Variants in SYNM observed in about 807,000 individuals in gnomAD.
SYNM encodes synemin.
Under a neutral mutation model 104.0 loss-of-function variants are expected in SYNM, and 95 were observed. The ratio of observed to expected loss-of-function variants is 0.91; its 90% CI spans 0.77 to 1.08. The LOEUF is 1.08. Among genes scored for constraint, SYNM ranks in the 50% least tolerant of loss-of-function variants. The pLI is 0.00. For missense variants in SYNM, 2,150 were observed against 2,052.2 expected, an observed-to-expected ratio of 1.05 and a Z score of -0.92; for synonymous variants, 918 against 869.0, an observed-to-expected ratio of 1.06 and a Z score of -0.99.
At chr15:99,138,063 T>C (rs1016351806), downstream of SYNM, 2 of 1,613,998 alleles carry the variant, frequency 1.2e-6, no homozygotes, top group Non-Finnish European at 8.5e-7. Flanking sequence ...TCCTGAGGGA[T>C]GCTGGTGCAG....
chr15:99,130,633 G>A lies in SYNM; in HGVS notation c.2273G>A (p.Gly758Glu). ...GAGGAGCCCGTGAGTTATGTCAGCG[G>A]GGAGAAGCCGGAGGAGTTTTCCGTC... ...IVEEPVSYVSGEKPEEFSVPF... is the reference protein window; with the variant it reads ...IVEEPVSYVSEEKPEEFSVPF... The change falls in exon 4 of 4, where the codon GGG becomes GAG. Residue 758 changes from glycine (G) to glutamate (E), a missense_variant. By Grantham distance (98) the Gly-to-Glu change is moderately conservative (BLOSUM62 -2). Transcript: ENST00000336292. 6.2e-7 allele frequency: 1 copy of A among 1,613,624 alleles called. No individual in the cohort carries two copies. Among genetic ancestry groups the A allele is most frequent in the Non-Finnish European group, 8.5e-7 (1 of 1,179,720 alleles).
intron 2 of SYNM, among the ~76,000 whole-genome samples, chr15:99,126,106 A>C (rs1173034309): frequency 6.6e-6 from 1 of 152,298 alleles, no homozygotes; most frequent in Non-Finnish European, 1.5e-5. Flanking sequence ...GGGAGGGGCT[A>C]CTGACGGGGG....
rs1555485581 is a variant in SYNM, at chr15:99,130,345, CT to C, written c.1989del (p.Pro664GlnfsTer23). 6.2e-7 allele frequency: 1 copy of C among 1,613,642 alleles called. No homozygotes were observed. The highest frequency in any genetic ancestry group is 8.5e-7 in the Non-Finnish European group (1 of 1,179,796). Reference protein sequence around the residue: ...QSPETEASADSFPDTKVTYVD... With the variant: ...QSPETEASADXFPDTKVTYVD... Reference sequence around the variant, plus strand: ...CCAGAGACAGAAGCATCTGCTGATTCTTTTCCAGACACAAAAGTCACTTACG... The same window carrying C: ...CCAGAGACAGAAGCATCTGCTGATTCTTTCCAGACACAAAAGTCACTTACG... On this transcript the variant is annotated frameshift_variant, in exon 4 of 4. Coordinates refer to ENST00000336292, the MANE Select transcript of SYNM (RefSeq NM_145728.3). LOFTEE classifies it high-confidence loss of function.
rs2067474796 is a variant in SYNM, at chr15:99,129,291, C to T, written c.1007-76C>T. The T allele has an allele frequency of 3.2e-6, 5 of 1,553,614 alleles. No individual in the cohort carries two copies. In the South Asian group the frequency reaches 6.0e-5, roughly 19 times the overall value. The stretch of plus-strand genomic sequence containing the variant: ...TTTATTATGATGGAATGGGATTTGG[C>T]CTGCAACAATGCTTGTAGATGGAAA... On this transcript the variant is annotated intron_variant, in intron 3 of 3. Coordinates refer to ENST00000336292, the MANE Select transcript of SYNM (RefSeq NM_145728.3).
chr15:99,136,599 G>T (rs187973400), downstream of SYNM: 19 of 152,238 alleles, frequency 1.2e-4, no homozygotes, highest in African/African-American at 4.6e-4. Flanking sequence ...CCATTCATCA[G>T]GGCTCCACCC....
downstream of SYNM, chr15:99,139,039 C>A (rs1267321947): frequency 1.0e-5 from 5 of 476,394 alleles, no homozygotes; most frequent in East Asian, 2.1e-4. Context: ...CCGGGGCCCT[C>A]CCCCTGCAGC....
intron 2 of SYNM, among the ~76,000 whole-genome samples, chr15:99,121,865 A>G (rs1248596206): frequency 6.6e-6 from 1 of 152,250 alleles, no homozygotes; most frequent in African/African-American, 2.4e-5. Flanking sequence ...CATGAGGCCC[A>G]TCCTAGGTTT....
Position 99,131,410 on chromosome 15 carries a change from A to T in SYNM, c.3050A>T (p.Glu1017Val). 1.2e-6 allele frequency: 2 copies of T among 1,611,850 alleles called. No individual in the cohort carries two copies. The change falls in exon 4 of 4, where the codon GAG becomes GTG. Residue 1017 changes from glutamate to valine, a missense_variant. Transcript: ENST00000336292. This position sits in a 1 kb window ranked among gnomAD's most constrained non-coding sequence, Gnocchi z 4.3. ...QTVDADRLDL[E>V]ELSKDEASEM... ...GTGGATGCCGATCGGTTAGACCTGG[A>T]GGAGCTGAGCAAAGATGAGGCCAGT... is the stretch of plus-strand genomic sequence containing the variant.
In SYNM at chr15:99,130,625, T is replaced by C. The variant is rs782120765; in HGVS notation, c.2265T>C (p.Tyr755=). The change falls in exon 4 of 4, where the codon TAT becomes TAC. Residue 755 remains tyrosine (Y), a synonymous_variant. Transcript: ENST00000336292. ...NVEIVEEPVS[Y]VSGEKPEEFS... ...AGATCGTGGAGGAGCCCGTGAGTTA[T>C]GTCAGCGGGGAGAAGCCGGAGGAGT... The C allele has an allele frequency of 8.8e-5, 142 of 1,611,686 alleles. 1 individual carries two copies. Among genetic ancestry groups the C allele is most frequent in the Non-Finnish European group, 4.6e-5 (54 of 1,179,078 alleles).
downstream of SYNM, chr15:99,139,442 G>C: frequency 6.2e-7 from 1 of 1,612,880 alleles, no homozygotes; most frequent in Non-Finnish European, 8.5e-7. Context: ...TGGAAGTGTC[G>C]CTGAGAGCAG....
chr15:99,137,192 G>A (rs1328720446), downstream of SYNM: 2 of 152,348 alleles, frequency 1.3e-5, no homozygotes, highest in Non-Finnish European at 1.5e-5. Flanking sequence ...CTTCCTGTTC[G>A]ACTTTGCCAT....
chr15:99,106,702 C>T (rs8041090), intron 1 of SYNM, among the ~76,000 whole-genome samples: 11,585 of 152,302 alleles, frequency 0.076, 483 homozygotes, highest in Non-Finnish European at 0.09. Flanking sequence ...GTGATATAAA[C>T]AGTTACTATT....
chr15:99,107,400 T>C (rs11636944), intron 1 of SYNM, among the ~76,000 whole-genome samples: 2 of 152,112 alleles, frequency 1.3e-5, no homozygotes, highest in Non-Finnish European at 1.5e-5. Flanking sequence ...AGTGGTTATT[T>C]TGACTCTCCA....
At chr15:99,112,083 T>C (rs1449588082) in intron 1 of SYNM, among the ~76,000 whole-genome samples, 1 of 152,210 alleles carries the variant, frequency 6.6e-6, no homozygotes, top group African/African-American at 2.4e-5. Context: ...ATAAATTCCA[T>C]GTGCAATCTT....
chr15:99,130,094 G>T lies in SYNM; in HGVS notation c.1734G>T (p.Pro578=). ...AGAGCGTGCGAGAGAGAGAGGTGCC[G>T]ATTAGTCTAGAAGTATCCCAGGACA... ...KEKSVREREV[P]ISLEVSQDRR... The change falls in exon 4 of 4, where the codon CCG becomes CCT. Residue 578 remains proline (P), a synonymous_variant. Transcript: ENST00000336292. 1 of 1,613,922 alleles carries T rather than the reference G, an allele frequency of 6.2e-7. No homozygotes were observed. The highest frequency in any genetic ancestry group is 8.5e-7 in the Non-Finnish European group (1 of 1,179,884).
chr15:99,113,786 C>G (rs2067321805), intron 2 of SYNM, 71 bp downstream of exon 2: 15 of 1,578,004 alleles, frequency 9.5e-6, no homozygotes, highest in African/African-American at 1.3e-5. Context: ...GGAAACTGGT[C>G]TAGGGACCGT....
Position 99,132,542 on chromosome 15 carries a change from A to T in SYNM, c.4182A>T (p.Thr1394=). The T allele has an allele frequency of 6.2e-7, 1 of 1,614,060 alleles. No individual in the cohort carries two copies. The highest frequency in any genetic ancestry group is 8.5e-7 in the Non-Finnish European group (1 of 1,179,898). The change falls in exon 4 of 4, where the codon ACA becomes ACT. Residue 1394 remains threonine, a synonymous_variant. Coordinates refer to ENST00000336292, the MANE Select transcript of SYNM (RefSeq NM_145728.3). ...AGGACACATCAGGGGCAGAAATGAC[A>T]TCGGGTGTTAGCAGATCCTTTAGGC... ...SAEDTSGAEM[T]SGVSRSFRHI...
downstream of SYNM, chr15:99,137,743 G>T (rs1251400607): frequency 2.2e-5 from 10 of 464,200 alleles, no homozygotes; most frequent in Non-Finnish European, 3.5e-5. Context: ...CCACAGTAGT[G>T]CTGATGGGTA....
chr15:99,125,983 C>A (rs913723816), intron 2 of SYNM, among the ~76,000 whole-genome samples: 1 of 152,204 alleles, frequency 6.6e-6, no homozygotes, highest in African/African-American at 2.4e-5. Context: ...AATTTTAGAA[C>A]TTTGGCGCAG....
Sources: gnomAD v4.1 joint callset for allele counts (sites outside exome capture counted in the v4.1 genomes callset) on GRCh38, gnomAD v4.1.1 for gene constraint, Gnocchi (gnomAD v3.1) non-coding constraint, MANE v1.5 for transcripts, NCBI Gene and HGNC (gene_info 2026-07-23, HGNC 2026-07-21) for gene names.